BRMS1: variants seen among roughly 807,000 people sequenced by gnomAD.
BRMS1 encodes the protein BRMS1 transcriptional repressor and anoikis regulator.
Under a neutral mutation model 40.4 loss-of-function variants are expected in BRMS1, and 26 were observed. That is an observed-to-expected ratio of 0.64 (90% CI 0.47 to 0.89). The LOEUF is 0.89. Among genes scored for constraint, BRMS1 ranks in the 40% least tolerant of loss-of-function variants. The pLI, the probability that BRMS1 is intolerant of heterozygous loss-of-function variation, is 0.00. For missense variants in BRMS1, 289 were observed against 309.4 expected, an observed-to-expected ratio of 0.93 and a Z score of 0.49; for synonymous variants, 103 against 116.0, an observed-to-expected ratio of 0.89 and a Z score of 0.72.
rs1855001525 is a variant in BRMS1, at chr11:66,338,861, TG to T, written c.629-77del. 1.2e-5 allele frequency: 17 copies of T among 1,415,606 alleles called. 1 individual carries two copies. In the South Asian group the frequency reaches 2.2e-4, roughly 18 times the overall value. The allele number at this position is 1,415,606 out of a possible 1,614,324, so 87.7% of individuals were successfully genotyped here. ...GGGCCACCCACCTGACATTCAGGAG[TG>T]GGGGTACAGCGGACAGCATGGAGTG... On this transcript the variant is annotated intron_variant, in intron 7 of 9. Transcript: ENST00000359957.
chr11:66,340,924 C>T, intron 5 of BRMS1, 43 bp downstream of exon 5: 2 of 1,613,530 alleles, frequency 1.2e-6, no homozygotes, highest in Non-Finnish European at 1.7e-6. Context: ...CCACTTCAGG[C>T]TTTGTGCCCT....
Position 66,341,912 on chromosome 11 carries a change from CGTGCTTGTGTGTAGGGGCTGTGTGTGCGT to C in BRMS1, c.139+155_139+183del, listed in dbSNP as rs1855091344. ...TGCTTGTGTGTAGGGGCTGTGTGTGCGTGCTTGTGTGTAGGGGCTGTGTGTGCGTGTGTGCGCTTGTGTGCAGGGTCTGT... is the reference window on the plus strand; with the variant it reads ...TGCTTGTGTGTAGGGGCTGTGTGTGCGTGTGCGCTTGTGTGCAGGGTCTGT... On this transcript the variant is annotated intron_variant, in intron 2 of 9. Coordinates refer to ENST00000359957, the MANE Select transcript of BRMS1 (RefSeq NM_015399.4). This position sits in a 1 kb window ranked among gnomAD's most constrained non-coding sequence, Gnocchi z 4.9. The C allele has an allele frequency of 1.5e-6, 1 of 675,982 alleles. No homozygotes were observed. The highest frequency in any genetic ancestry group is 2.1e-5 in the African/African-American group (1 of 48,270). 41.9% of individuals were successfully genotyped at this position (675,982 alleles called of 1,614,324 possible). A position where few individuals can be genotyped will look rare whatever the true frequency, so the allele number is the denominator to read the frequency against.
chr11:66,342,457 G>C (rs576722967), intron 1 of BRMS1, among the ~76,000 whole-genome samples: 8 of 152,326 alleles, frequency 5.3e-5, no homozygotes, highest in Middle Eastern at 3.4e-3. Context: ...CCTGCTCTTG[G>C]ATGTCACTGG....
intron 6 of BRMS1, among the ~76,000 whole-genome samples, chr11:66,340,500 A>G (rs944882095): frequency 6.6e-6 from 1 of 152,166 alleles, no homozygotes; most frequent in Non-Finnish European, 1.5e-5. Context: ...TACTATGAAC[A>G]TGGAGGGGAC....
At position 66,341,739 on chromosome 11, in the gene BRMS1, T is replaced by C; in HGVS notation, c.140-116A>G. ...TGCATGCCTGTGTGTAGGGCCTGTGTGTGTGTGCGCGTACATGCTTGTGTG... is the reference window on the plus strand; with the variant it reads ...TGCATGCCTGTGTGTAGGGCCTGTGCGTGTGTGCGCGTACATGCTTGTGTG... On this transcript the variant is annotated intron_variant, in intron 2 of 9. Coordinates refer to ENST00000359957, the MANE Select transcript of BRMS1 (RefSeq NM_015399.4). This position sits in a 1 kb window ranked among gnomAD's most constrained non-coding sequence, Gnocchi z 4.9. 1.1e-6 allele frequency: 1 copy of C among 892,872 alleles called. No homozygotes were observed. Among genetic ancestry groups the C allele is most frequent in the South Asian group, 1.3e-5 (1 of 74,930 alleles). 55.3% of individuals were successfully genotyped at this position (892,872 alleles called of 1,614,324 possible). A position where few individuals can be genotyped will look rare whatever the true frequency, so the allele number is the denominator to read the frequency against.
In BRMS1 at chr11:66,337,836, G is replaced by A; in HGVS notation, c.*46C>T. The A allele has an allele frequency of 1.2e-6, 2 of 1,614,206 alleles. No individual in the cohort carries two copies. Among genetic ancestry groups the A allele is most frequent in the South Asian group, 2.2e-5 (2 of 91,092 alleles). On this transcript the variant is annotated 3_prime_UTR_variant, in exon 10 of 10. Transcript: ENST00000359957. ...CAGGAGGAAGACGAGAATCCTGGGTGCAGTGCCAGCTGCTCTGAGGGTCCC... is the reference window on the plus strand; with the variant it reads ...CAGGAGGAAGACGAGAATCCTGGGTACAGTGCCAGCTGCTCTGAGGGTCCC...
chr11:66,338,790 G>T lies in BRMS1; in HGVS notation c.629-5C>A. ...GCATGTACACGATGTATGGGCCTGT[G>T]GTGGGGGTCAAGGAAGCCTAGTGGA... is the stretch of plus-strand genomic sequence containing the variant. On this transcript the variant is annotated splice_region_variant and splice_polypyrimidine_tract_variant and intron_variant, in intron 7 of 9. Transcript: ENST00000359957. The T allele has an allele frequency of 6.5e-7, 1 of 1,534,176 alleles. No individual in the cohort carries two copies. Among genetic ancestry groups the T allele is most frequent in the Non-Finnish European group, 8.8e-7 (1 of 1,139,224 alleles).
intron 1 of BRMS1, among the ~76,000 whole-genome samples, chr11:66,344,221 T>C (rs546272092): frequency 6.6e-6 from 1 of 152,222 alleles, no homozygotes; most frequent in African/African-American, 2.4e-5. Context: ...AAATACAAAT[T>C]TAACAAAAAA....
chr11:66,338,082 C>A (rs1854970624), intron 9 of BRMS1, among the ~76,000 whole-genome samples, 161 bp downstream of exon 9: 1 of 152,228 alleles, frequency 6.6e-6, no homozygotes, highest in Non-Finnish European at 1.5e-5. Flanking sequence ...TCCTGCTCCT[C>A]AAACTCCCAC....
At chr11:66,338,368 G>A in intron 8 of BRMS1, 86 bp from the exon 9 acceptor site, 1 of 1,549,188 alleles carries the variant, frequency 6.5e-7, no homozygotes. Flanking sequence ...GTGGCTTGTG[G>A]GCTGTTGCCT....
chr11:66,338,709 A>G lies in BRMS1; in HGVS notation c.693+12T>C, dbSNP rs1436174424. 1.9e-6 allele frequency: 3 copies of G among 1,610,998 alleles called. No individual in the cohort carries two copies. In the African/African-American group the frequency reaches 4.0e-5, roughly 22 times the overall value. ...AGGTGGGGCAGGTCACGTGGGCAGCAGCGGCCCCCACCTTTTTGATGGCTG... is the reference window on the plus strand; with the variant it reads ...AGGTGGGGCAGGTCACGTGGGCAGCGGCGGCCCCCACCTTTTTGATGGCTG... On this transcript the variant is annotated intron_variant, in intron 8 of 9. Transcript: ENST00000359957.
chr11:66,341,701 G>C lies in BRMS1; in HGVS notation c.140-78C>G. On this transcript the variant is annotated intron_variant, in intron 2 of 9. Transcript: ENST00000359957. The surrounding 1 kb of genome is among the most constrained non-coding windows in gnomAD (Gnocchi z 4.9). ...GCATGTGTGCATGTGCGTCCTGCAT[G>C]TGTGTGTGTGCATGCATGCCTGTGT... 2 of 1,161,674 alleles carry C rather than the reference G, an allele frequency of 1.7e-6. No homozygotes were observed. The highest frequency in any genetic ancestry group is 2.4e-5 in the East Asian group (1 of 42,464). 72.0% of individuals were successfully genotyped at this position (1,161,674 alleles called of 1,614,324 possible).
Position 66,341,836 on chromosome 11 carries a change from A to G in BRMS1, c.140-213T>C. 1 of 607,470 alleles carries G rather than the reference A, an allele frequency of 1.6e-6. No individual in the cohort carries two copies. Among genetic ancestry groups the G allele is most frequent in the South Asian group, 1.8e-5 (1 of 56,030 alleles). 37.6% of individuals were successfully genotyped at this position (607,470 alleles called of 1,614,324 possible). A position where few individuals can be genotyped will look rare whatever the true frequency, so the allele number is the denominator to read the frequency against. On this transcript the variant is annotated intron_variant, in intron 2 of 9. Coordinates refer to ENST00000359957, the MANE Select transcript of BRMS1 (RefSeq NM_015399.4). The surrounding 1 kb of genome is among the most constrained non-coding windows in gnomAD (Gnocchi z 4.9). ...TGCATATGCGTGCGTGCTTGTGTGA[A>G]GGGGCTGTGTGCACGTGTACTTGTG...
intron 9 of BRMS1, 92 bp from the exon 10 acceptor site, chr11:66,337,981 G>A (rs3132757): frequency 7.0e-7 from 1 of 1,428,572 alleles, no homozygotes; most frequent in Non-Finnish European, 9.7e-7. Flanking sequence ...GGCTGGCCCA[G>A]AACAGGCCTC....
chr11:66,344,149 G>C (rs1009544840), intron 1 of BRMS1, among the ~76,000 whole-genome samples: 3 of 152,204 alleles, frequency 2.0e-5, no homozygotes, highest in African/African-American at 7.2e-5. Flanking sequence ...TAGGGCAGGG[G>C]CTGCACATGT....
At chr11:66,338,362 C>T in intron 8 of BRMS1, 80 bp from the exon 9 acceptor site, 2 of 1,551,070 alleles carry the variant, frequency 1.3e-6, no homozygotes, top group African/African-American at 2.7e-5. Context: ...ACCTCTGTGG[C>T]TTGTGGGCTG....
rs1298147660 is a variant in BRMS1, at chr11:66,338,931, TC to T, written c.629-147del. 10 of 753,902 alleles carry T rather than the reference TC, an allele frequency of 1.3e-5. No homozygotes were observed. In the East Asian group the frequency reaches 2.7e-4, roughly 21 times the overall value. 46.7% of individuals were successfully genotyped at this position (753,902 alleles called of 1,614,324 possible). ...CCGAGGTCAGGTTCCACCTCCTACC[TC>T]TTAACCCCCTGGTTCCAGGGGTCGT... On this transcript the variant is annotated intron_variant, in intron 7 of 9. Transcript: ENST00000359957.
chr11:66,343,678 T>C (rs1855136810), intron 1 of BRMS1, among the ~76,000 whole-genome samples: 1 of 152,154 alleles, frequency 6.6e-6, no homozygotes, highest in Non-Finnish European at 1.5e-5. Flanking sequence ...AACATGGGTC[T>C]AAGTCTCAGT....
At chr11:66,339,748 C>A in intron 7 of BRMS1, 1 of 198,970 alleles carries the variant, frequency 5.0e-6, no homozygotes, top group Admixed American at 5.1e-5. Flanking sequence ...AGGTGCACAC[C>A]ACCACGCCTG....
Sources: gnomAD v4.1 joint callset for allele counts (sites outside exome capture counted in the v4.1 genomes callset) on GRCh38, gnomAD v4.1.1 for gene constraint, Gnocchi (gnomAD v3.1) non-coding constraint, MANE v1.5 for transcripts, NCBI Gene and HGNC (gene_info 2026-07-23, HGNC 2026-07-21) for gene names.